Variants in PDE1C observed in about 807,000 individuals in gnomAD.
PDE1C encodes the protein dual specificity calcium/calmodulin-dependent 3',5'-cyclic nucleotide phosphodiesterase 1C.
PDE1C carries 62 observed loss-of-function variants against 93.1 expected under a neutral mutation model. The ratio of observed to expected loss-of-function variants is 0.67; its 90% CI spans 0.54 to 0.82. PDE1C has a LOEUF of 0.82. Among genes scored for constraint, PDE1C ranks in the 40% least tolerant of loss-of-function variants. The probability of loss-of-function intolerance (pLI) is 0.00; values close to 1 mark genes in which losing one functional copy is unlikely to be tolerated. For missense variants in PDE1C, 742 were observed against 884.6 expected (o/e 0.84, Z 2.04); for synonymous variants, 325 against 310.1 (o/e 1.05, Z -0.50).
At chr7:31,841,231 A>C (rs71530321) in intron 9 of PDE1C, among the ~76,000 whole-genome samples, 2,780 of 46,642 alleles carry the variant, frequency 0.06, 35 homozygotes, top group South Asian at 0.11. Flanking sequence ...CTCTCTCTAT[A>C]TATATATATA....
At chr7:32,323,707 G>C (rs887363800) in intron 1 of PDE1C, among the ~76,000 whole-genome samples, 2 of 152,176 alleles carry the variant, frequency 1.3e-5, no homozygotes, top group Non-Finnish European at 2.9e-5. Context: ...GGTCTGGAAA[G>C]GAAACTCCTG....
At chr7:31,869,917 T>C (rs1478950286) in intron 6 of PDE1C, among the ~76,000 whole-genome samples, 1 of 152,078 alleles carries the variant, frequency 6.6e-6, no homozygotes, top group Admixed American at 6.6e-5. Flanking sequence ...AAGTGTCTTC[T>C]CAGATCACAG....
chr7:31,839,197 C>T (rs185861963), intron 9 of PDE1C, among the ~76,000 whole-genome samples: 303 of 144,178 alleles, frequency 2.1e-3, no homozygotes, highest in African/African-American at 7.4e-3. Flanking sequence ...TGTATACATA[C>T]ATACATACGT....
At chr7:32,037,529 C>T (rs541369095) in intron 2 of PDE1C, among the ~76,000 whole-genome samples, 22 of 152,256 alleles carry the variant, frequency 1.4e-4, no homozygotes, top group Non-Finnish European at 2.5e-4. Context: ...CCCATACCAC[C>T]TTTCCACATC....
upstream of PDE1C, among the ~76,000 whole-genome samples, chr7:32,075,526 C>T (rs1466815129): frequency 6.6e-6 from 1 of 152,086 alleles, no homozygotes; most frequent in East Asian, 1.9e-4. Flanking sequence ...CTCCCTCTGA[C>T]GTCTTTTTCT....
exon 1 of PDE1C, chr7:32,298,944 C>G (rs215608): frequency 0.87 from 1,145,253 of 1,322,124 alleles, 496,890 homozygotes; most frequent in Admixed American, 0.88. Flanking sequence ...AGGAGCTCGG[C>G]GGAGGCAGGA....
chr7:32,404,584 T>C (rs1785014680), intron 1 of PDE1C, among the ~76,000 whole-genome samples: 1 of 152,102 alleles, frequency 6.6e-6, no homozygotes, highest in African/African-American at 2.4e-5. Context: ...TGATTTCAAA[T>C]TCCTGGGCTC....
rs145129828 is a variant in PDE1C, at chr7:32,161,701, T to G, written c.308+8084A>C. On this transcript the variant is annotated intron_variant, in intron 3 of 18. Coordinates refer to the PDE1C transcript ENST00000396193. ...AGTTCCTGTTGCTAATTAGGAAACA[T>G]AGAGAAGTTTATCCACACTTCACAT... Among the ~76,000 whole-genome samples, 111 of 152,232 alleles carry G rather than the reference T, an allele frequency of 7.3e-4. 2 individuals carry two copies. Among genetic ancestry groups the G allele is most frequent in the Middle Eastern group, 6.8e-3 (2 of 294 alleles).
chr7:32,102,772 G>T lies in PDE1C; in HGVS notation c.308+67013C>A, dbSNP rs545162285. Among the ~76,000 whole-genome samples, 5 of 152,320 alleles carry T rather than the reference G, an allele frequency of 3.3e-5. No homozygotes were observed. The South Asian group carries it at 1.0e-3, about 32-fold the overall frequency. ...TGTCTCCTGGAGACTAATGGCAGAG[G>T]CACTGGCCACTTGCCTGCTCCCAAG... On this transcript the variant is annotated intron_variant, in intron 3 of 18. Coordinates refer to the PDE1C transcript ENST00000396193.
intron 1 of PDE1C, among the ~76,000 whole-genome samples, chr7:32,418,829 A>G (rs1037266894): frequency 6.6e-6 from 1 of 152,242 alleles, no homozygotes; most frequent in African/African-American, 2.4e-5. Flanking sequence ...ACTGCCCTGC[A>G]TGTAATCTTC....
At chr7:31,685,437 A>G in the PDE1C span, among the ~76,000 whole-genome samples, 1 of 152,234 alleles carries the variant, frequency 6.6e-6, no homozygotes, top group Non-Finnish European at 1.5e-5. Context: ...ATCTCCCTGT[A>G]TTATCCCTCA....
chr7:32,162,885 G>A (rs1802006336), intron 3 of PDE1C, among the ~76,000 whole-genome samples: 1 of 152,034 alleles, frequency 6.6e-6, no homozygotes. Context: ...AAGAATGCAA[G>A]AGGAATGGTG....
At chr7:31,658,540 T>C in the PDE1C span, 2 of 496,962 alleles carry the variant, frequency 4.0e-6, no homozygotes, top group Non-Finnish European at 6.4e-6. Context: ...AATGGTGGGT[T>C]GCATACGTAA....
chr7:32,133,004 GA>G (rs1436386033), intron 3 of PDE1C, among the ~76,000 whole-genome samples: 1 of 151,930 alleles, frequency 6.6e-6, no homozygotes, highest in Non-Finnish European at 1.5e-5. Flanking sequence ...TAAAATTTAG[GA>G]AAAAAATTAT....
chr7:31,912,408 G>A (rs1563019681), intron 2 of PDE1C, among the ~76,000 whole-genome samples: 1 of 152,062 alleles, frequency 6.6e-6, no homozygotes, highest in Non-Finnish European at 1.5e-5. Flanking sequence ...ATAAAAGGCC[G>A]GGTGTGGTGG....
At chr7:32,179,545 T>C (rs1237325490) in intron 2 of PDE1C, among the ~76,000 whole-genome samples, 1 of 152,142 alleles carries the variant, frequency 6.6e-6, no homozygotes, top group Non-Finnish European at 1.5e-5. Context: ...AGGCCTGACT[T>C]ACTGTCTTGC....
At chr7:32,039,052 A>T (rs1011187077) in intron 2 of PDE1C, among the ~76,000 whole-genome samples, 8 of 152,132 alleles carry the variant, frequency 5.3e-5, no homozygotes, top group Non-Finnish European at 7.4e-5. Context: ...CAGCACCACC[A>T]TCATCATCCT....
intron 2 of PDE1C, among the ~76,000 whole-genome samples, chr7:32,021,388 A>T (rs1333645214): frequency 6.6e-6 from 1 of 152,014 alleles, no homozygotes; most frequent in Non-Finnish European, 1.5e-5. Context: ...AACAAATTAC[A>T]CTTAGTGGAT....
At chr7:31,705,353 A>T in the PDE1C span, among the ~76,000 whole-genome samples, 1 of 152,204 alleles carries the variant, frequency 6.6e-6, no homozygotes, top group African/African-American at 2.4e-5. Context: ...ATATCAAGCA[A>T]GGATGGATGG....
Sources: gnomAD v4.1 joint callset for allele counts (sites outside exome capture counted in the v4.1 genomes callset) on GRCh38, gnomAD v4.1.1 for gene constraint, MANE v1.5 for transcripts, NCBI Gene and HGNC (gene_info 2026-07-23, HGNC 2026-07-21) for gene names.